The following NFIB variants were observed in gnomAD, a reference collection of about 807,000 sequenced individuals.
NFIB encodes the protein nuclear factor I B, also known as nuclear factor 1 B-type.
A neutral mutation model predicts 61.5 loss-of-function variants in NFIB; 11 were observed. The observed-to-expected ratio is 0.18, with a 90% CI of 0.11 to 0.30. The LOEUF is 0.30. NFIB is among the 10% of genes least tolerant of loss of function. The pLI is 1.00. For missense variants in NFIB, 471 were observed against 608.9 expected (o/e 0.77, Z 2.38); for synonymous variants, 260 against 216.5 (o/e 1.20, Z -1.76).
chr9:14,174,252 T>C (rs1463850050), intron 3 of NFIB, among the ~76,000 whole-genome samples: 6 of 152,230 alleles, frequency 3.9e-5, no homozygotes, highest in Admixed American at 6.5e-5. Flanking sequence ...TTACCTACGA[T>C]GTCAGGTCTT....
At chr9:14,463,348 T>A in the NFIB span, among the ~76,000 whole-genome samples, 1 of 151,900 alleles carries the variant, frequency 6.6e-6, no homozygotes, top group African/African-American at 2.4e-5. Flanking sequence ...CTTTATTAGA[T>A]GGAGAGATTC....
chr9:14,450,546 T>C, the NFIB span, among the ~76,000 whole-genome samples: 3 of 152,156 alleles, frequency 2.0e-5, no homozygotes, highest in East Asian at 1.9e-4. Flanking sequence ...CCCCACTCTG[T>C]GTACTCCGAT....
intron 3 of NFIB, among the ~76,000 whole-genome samples, chr9:14,174,619 T>C (rs549845077): frequency 1.3e-5 from 2 of 151,786 alleles, no homozygotes; most frequent in African/African-American, 4.8e-5. Context: ...TAGAAAAAAT[T>C]AGCCAGGCAC....
chr9:14,123,740 T>C (rs2039251139), intron 7 of NFIB, among the ~76,000 whole-genome samples: 1 of 152,098 alleles, frequency 6.6e-6, no homozygotes, highest in Non-Finnish European at 1.5e-5. Flanking sequence ...CCTCTCTGCC[T>C]CCCAGTTTGC....
chr9:14,263,975 G>C (rs1349757588), intron 2 of NFIB, among the ~76,000 whole-genome samples: 1 of 152,182 alleles, frequency 6.6e-6, no homozygotes, highest in African/African-American at 2.4e-5. Context: ...GTGAGAAAGA[G>C]TGATTTCACT....
intron 1 of NFIB, among the ~76,000 whole-genome samples, chr9:14,367,535 A>G (rs144372702): frequency 2.6e-5 from 4 of 152,256 alleles, no homozygotes; most frequent in African/African-American, 9.6e-5. Flanking sequence ...TCCTCCATGA[A>G]TATGGGTGTG....
At chr9:14,476,944 T>G in the NFIB span, among the ~76,000 whole-genome samples, 4 of 152,368 alleles carry the variant, frequency 2.6e-5, no homozygotes, top group South Asian at 8.3e-4. Context: ...TTTGAGCTGA[T>G]AAAGACTAAA....
intron 2 of NFIB, among the ~76,000 whole-genome samples, chr9:14,209,548 A>C (rs2050094302): frequency 6.6e-6 from 1 of 152,258 alleles, no homozygotes; most frequent in Admixed American, 6.5e-5. Context: ...AGTTGTAAAA[A>C]GAAGTAAAGT....
chr9:14,144,924 G>A (rs1426184735), intron 6 of NFIB, among the ~76,000 whole-genome samples: 1 of 152,204 alleles, frequency 6.6e-6, no homozygotes, highest in Non-Finnish European at 1.5e-5. Context: ...GAAGCAGAAT[G>A]TCACCTGCCA....
At position 14,086,826 on chromosome 9, in the gene NFIB, C is replaced by T. The variant is rs1272766575; in HGVS notation, c.*1483G>A. On this transcript the variant is annotated 3_prime_UTR_variant, in exon 11 of 11. Coordinates refer to ENST00000380953, the MANE Select transcript of NFIB (RefSeq NM_001190737.2). ...GTTTTTTAGATTTCAAGGCAAGGCA[C>T]GTAATGTGGACATTATATCTTCGTG... is the stretch of plus-strand genomic sequence containing the variant. The T allele has an allele frequency of 5.0e-6, 1 of 199,080 alleles. No individual in the cohort carries two copies. Among genetic ancestry groups the T allele is most frequent in the African/African-American group, 2.3e-5 (1 of 42,654 alleles). 12.3% of individuals were successfully genotyped at this position (199,080 alleles called of 1,614,324 possible).
At chr9:14,254,548 T>A (rs770810676) in intron 2 of NFIB, among the ~76,000 whole-genome samples, 2 of 152,170 alleles carry the variant, frequency 1.3e-5, no homozygotes, top group Non-Finnish European at 2.9e-5. Context: ...GTTTGCTGAT[T>A]TGAAGTGAAA....
chr9:14,390,010 A>G (rs1048670065), intron 1 of NFIB, among the ~76,000 whole-genome samples: 4 of 152,232 alleles, frequency 2.6e-5, no homozygotes, highest in African/African-American at 9.6e-5. Flanking sequence ...ATTTTAGATT[A>G]GAACTACTAA....
intron 1 of NFIB, among the ~76,000 whole-genome samples, chr9:14,323,368 G>A (rs1443137372): frequency 6.6e-6 from 1 of 152,116 alleles, no homozygotes; most frequent in African/African-American, 2.4e-5. Flanking sequence ...TATATGTAGG[G>A]GGATTTTTTT....
Position 14,251,707 on chromosome 9 carries a change from G to C in NFIB, c.562+55282C>G, listed in dbSNP as rs529900438. On this transcript the variant is annotated intron_variant, in intron 2 of 10. Transcript: ENST00000380953. ...TCCTGCAGGAGGTCAGCTAATCCCA[G>C]TTTGTCAGTTCCAGCCACCCAAATC... 1.6e-4 allele frequency among the ~76,000 whole-genome samples: 24 copies of C among 152,280 alleles called. No individual in the cohort carries two copies. In the East Asian group the frequency reaches 4.6e-3, roughly 29 times the overall value.
chr9:14,371,254 G>C (rs1564036936), intron 1 of NFIB, among the ~76,000 whole-genome samples: 1 of 152,164 alleles, frequency 6.6e-6, no homozygotes, highest in East Asian at 1.9e-4. Context: ...ATCATTATAT[G>C]TTAGCTTTGG....
intron 3 of NFIB, among the ~76,000 whole-genome samples, chr9:14,168,291 T>C (rs889550667): frequency 6.6e-6 from 1 of 152,144 alleles, no homozygotes; most frequent in Non-Finnish European, 1.5e-5. Flanking sequence ...AAAAGAAGAA[T>C]GCAATACTCA....
chr9:14,173,478 T>C (rs2045804398), intron 3 of NFIB, among the ~76,000 whole-genome samples: 1 of 152,166 alleles, frequency 6.6e-6, no homozygotes, highest in South Asian at 2.1e-4. Context: ...TTGTAGATTT[T>C]ATGAACAAAA....
chr9:14,403,422 G>A (rs1455126270), upstream of NFIB, among the ~76,000 whole-genome samples: 2 of 152,016 alleles, frequency 1.3e-5, no homozygotes, highest in East Asian at 1.9e-4. Context: ...TCCCTTTTTT[G>A]TGGTGCCCAA....
chr9:14,088,582 T>C (rs1381166097), intron 10 of NFIB, among the ~76,000 whole-genome samples: 1 of 152,164 alleles, frequency 6.6e-6, no homozygotes, highest in Non-Finnish European at 1.5e-5. Context: ...ATATAAACAA[T>C]TATTGAATTC....
Sources: allele counts gnomAD v4.1 joint callset (sites outside exome capture counted in the v4.1 genomes callset), GRCh38; gene constraint gnomAD v4.1.1; transcripts MANE v1.5; gene names NCBI Gene and HGNC (gene_info 2026-07-23, HGNC 2026-07-21).